The following SYCP1 variants were observed in gnomAD, a reference collection of about 807,000 sequenced individuals.
SYCP1 encodes the protein synaptonemal complex protein 1.
A neutral mutation model predicts 153.1 loss-of-function variants in SYCP1; 64 were observed. That is an observed-to-expected ratio of 0.42 (90% CI 0.34 to 0.51). SYCP1 has a LOEUF of 0.51. Among genes scored for constraint, SYCP1 ranks in the 20% least tolerant of loss-of-function variants. The probability of loss-of-function intolerance (pLI) is 0.06; values close to 1 mark genes in which losing one functional copy is unlikely to be tolerated. For synonymous variants in SYCP1, 384 were observed against 341.8 expected, an observed-to-expected ratio of 1.12 and a Z score of -1.36; for missense variants, 997 against 1,049.0, an observed-to-expected ratio of 0.95 and a Z score of 0.68.
intron 27 of SYCP1, among the ~76,000 whole-genome samples, chr1:114,969,956 C>T (rs887288913): frequency 3.9e-5 from 6 of 152,170 alleles, no homozygotes; most frequent in African/African-American, 4.8e-5. Flanking sequence ...TGCTTCTGCT[C>T]GCCCTCTGTG....
chr1:114,902,562 C>A (rs1407604396), intron 16 of SYCP1, among the ~76,000 whole-genome samples: 1 of 150,000 alleles, frequency 6.7e-6, no homozygotes, highest in Non-Finnish European at 1.5e-5. Context: ...CAAGTTCATC[C>A]CCCACCCCGC....
intron 27 of SYCP1, among the ~76,000 whole-genome samples, chr1:114,950,329 T>A (rs1671014126): frequency 6.6e-6 from 1 of 152,240 alleles, no homozygotes. Context: ...AAACTTCTCT[T>A]GTAATCCACT....
intron 27 of SYCP1, among the ~76,000 whole-genome samples, chr1:114,973,314 T>A (rs146876231): frequency 6.6e-6 from 1 of 152,148 alleles, no homozygotes; most frequent in Non-Finnish European, 1.5e-5. Context: ...ACTAATTCTT[T>A]ATGGTTGTGG....
chr1:114,936,024 A>T (rs973899632), intron 23 of SYCP1, among the ~76,000 whole-genome samples: 1 of 152,198 alleles, frequency 6.6e-6, no homozygotes, highest in African/African-American at 2.4e-5. Context: ...TCGATAGAAA[A>T]AGAGGGAATC....
chr1:114,855,829 T>C (rs1663899170), intron 2 of SYCP1, among the ~76,000 whole-genome samples: 1 of 152,188 alleles, frequency 6.6e-6, no homozygotes, highest in South Asian at 2.1e-4. Flanking sequence ...CTTCTTTCCG[T>C]ATTTGATTCG....
intron 3 of SYCP1, 74 bp from the exon 4 acceptor site, chr1:114,857,158 G>GAA (rs1557747303): frequency 1.5e-5 from 7 of 476,652 alleles, no homozygotes; most frequent in Admixed American, 5.3e-5. Context: ...AAAAAAAAAA[G>GAA]AGAAAAAAGA....
chr1:114,985,012 C>A, intron 30 of SYCP1, 144 bp downstream of exon 30: 1 of 382,348 alleles, frequency 2.6e-6, no homozygotes, highest in Non-Finnish European at 4.2e-6. Context: ...AAATGCAGAT[C>A]CTTGTGCTTT....
intron 8 of SYCP1, among the ~76,000 whole-genome samples, chr1:114,866,785 A>T (rs1297151191): frequency 1.3e-5 from 2 of 151,656 alleles, no homozygotes; most frequent in Non-Finnish European, 2.9e-5. Flanking sequence ...GTGATACCCA[A>T]GATCATCCAG....
chr1:114,971,878 T>C (rs1672509189), intron 27 of SYCP1, among the ~76,000 whole-genome samples: 1 of 152,160 alleles, frequency 6.6e-6, no homozygotes, highest in Non-Finnish European at 1.5e-5. Flanking sequence ...TTAGTTTTCT[T>C]TTTTTGATGT....
intron 27 of SYCP1, among the ~76,000 whole-genome samples, chr1:114,956,290 T>C (rs1671428097): frequency 6.6e-6 from 1 of 152,148 alleles, no homozygotes; most frequent in African/African-American, 2.4e-5. Flanking sequence ...CCTGCTGCAA[T>C]CAGGGAACTA....
At chr1:114,936,505 C>A (rs1329339492) in intron 23 of SYCP1, among the ~76,000 whole-genome samples, 1 of 152,154 alleles carries the variant, frequency 6.6e-6, no homozygotes, top group Non-Finnish European at 1.5e-5. Context: ...GACAGGGATG[C>A]CCTCTCTCAC....
rs191467758 is a variant in SYCP1, at chr1:114,981,804, G to T, written c.2559+292G>T. ...AACATGAAATTGTTTCATTTTTTTC[G>T]ATCACTGTCCACAACTTAATGTCAT... On this transcript the variant is annotated intron_variant, in intron 29 of 31. Transcript: ENST00000369522. Among the ~76,000 whole-genome samples, 8 of 151,832 alleles carry T rather than the reference G, an allele frequency of 5.3e-5. No homozygotes were observed. The East Asian group carries it at 1.6e-3, about 30-fold the overall frequency.
At chr1:114,905,593 G>T (rs1667757673) in intron 16 of SYCP1, among the ~76,000 whole-genome samples, 1 of 152,206 alleles carries the variant, frequency 6.6e-6, no homozygotes, top group Admixed American at 6.5e-5. Context: ...AGATAGAGTT[G>T]TTTTATGCTC....
At chr1:114,979,182 G>A (rs1315034711) in intron 28 of SYCP1, among the ~76,000 whole-genome samples, 1 of 149,720 alleles carries the variant, frequency 6.7e-6, no homozygotes, top group Non-Finnish European at 1.5e-5. Context: ...TGAAACATAA[G>A]GCTTGTTAAA....
intron 27 of SYCP1, among the ~76,000 whole-genome samples, chr1:114,955,594 G>A (rs1671382891): frequency 6.6e-6 from 1 of 152,146 alleles, no homozygotes. Context: ...TAATTAGGCT[G>A]TTTCAGGGTC....
intron 24 of SYCP1, 147 bp from the exon 25 acceptor site, chr1:114,944,725 A>C: frequency 1.5e-6 from 1 of 668,376 alleles, no homozygotes; most frequent in South Asian, 2.1e-5. Context: ...ACCCCGAAAA[A>C]ACCCCAAACA....
At chr1:114,983,334 C>T (rs1225844955) in intron 29 of SYCP1, among the ~76,000 whole-genome samples, 4 of 151,872 alleles carry the variant, frequency 2.6e-5, no homozygotes, top group Admixed American at 6.6e-5. Context: ...TTTGTTTGTC[C>T]CAACTATTCA....
chr1:114,944,933 G>A lies in SYCP1; in HGVS notation c.2105G>A (p.Arg702Gln), dbSNP rs1487912091. The A allele has an allele frequency of 3.1e-6, 5 of 1,604,644 alleles. No individual in the cohort carries two copies. In the East Asian group the frequency reaches 6.7e-5, roughly 22 times the overall value. ...AAATTACAGAAAGAAATTGATAAGC[G>A]ATGTCAACATAAAATAGCTGAAATG... is the stretch of plus-strand genomic sequence containing the variant. The part of the protein sequence containing the change: ...AVKLQKEIDK[R>Q]CQHKIAEMVA... The change falls in exon 25 of 32, where the codon CGA becomes CAA. Residue 702 changes from arginine (R) to glutamine (Q), a missense_variant. Physicochemically the swap from Arg to Gln is conservative, Grantham distance 43 (BLOSUM62 1). This residue lies in a region of SYCP1 where 712 missense variants were observed against 682.9 expected (regional missense o/e 1.04). Transcript: ENST00000369522.
chr1:114,921,536 G>A (rs892101728), intron 20 of SYCP1, among the ~76,000 whole-genome samples: 6 of 151,702 alleles, frequency 4.0e-5, no homozygotes, highest in South Asian at 2.1e-4. Context: ...AAAATTAGCC[G>A]GGTGTGGTGG....
Sources: gnomAD v4.1 joint callset for allele counts (sites outside exome capture counted in the v4.1 genomes callset) on GRCh38, gnomAD v4.1.1 for gene constraint, gnomAD v4.1.1 regional missense constraint, MANE v1.5 for transcripts, NCBI Gene and HGNC (gene_info 2026-07-23, HGNC 2026-07-21) for gene names.